The following SH3GL1 variants were observed in gnomAD, a reference collection of about 807,000 sequenced individuals.
SH3GL1 encodes the protein endophilin-A2.
Under a neutral mutation model 48.8 loss-of-function variants are expected in SH3GL1, and 21 were observed. The ratio of observed to expected loss-of-function variants is 0.43; its 90% confidence interval spans 0.30 to 0.62. The LOEUF (loss-of-function observed/expected upper bound fraction) is 0.62. Ranked by LOEUF, SH3GL1 falls within the 20% of genes least tolerant of loss-of-function variation. SH3GL1 has a pLI of 0.11. For synonymous variants in SH3GL1, 282 were observed against 217.5 expected, an observed-to-expected ratio of 1.30 and a Z score of -2.61; for missense variants, 454 against 503.0, an observed-to-expected ratio of 0.90 and a Z score of 0.93.
chr19:4,363,456 C>A lies in SH3GL1; in HGVS notation c.642G>T (p.Gln214His), dbSNP rs1164476544. Residue 214 changes from glutamine (Q) to histidine (H), a missense_variant, in exon 7 of 10, where the codon CAG (glutamine) becomes CAT (histidine). By Grantham distance (24) the Gln-to-His change is conservative (BLOSUM62 0). This residue lies in a region of SH3GL1 where 278 missense variants were observed against 246.8 expected (regional missense o/e 1.13). Transcript: ENST00000269886. ...GCTGTGCATCCACCAGGGCCGAGAGCTGACTCACCTGCTCGATCTGTGGGG... is the reference window on the plus strand; with the variant it reads ...GCTGTGCATCCACCAGGGCCGAGAGATGACTCACCTGCTCGATCTGTGGGG... ...LLETDIEQVSQLSALVDAQLD... is the reference protein window; with the variant it reads ...LLETDIEQVSHLSALVDAQLD... 1.2e-6 allele frequency: 2 copies of A among 1,612,616 alleles called. No homozygotes were observed. The highest frequency in any genetic ancestry group is 2.2e-5 in the South Asian group (2 of 90,918).
At chr19:4,384,451 T>C (rs1208623964) in intron 1 of SH3GL1, among the ~76,000 whole-genome samples, 5 of 152,232 alleles carry the variant, frequency 3.3e-5, no homozygotes, top group Non-Finnish European at 4.4e-5. Context: ...AGGTTGTTTT[T>C]TTCCAGGCTA....
At chr19:4,395,419 T>C (rs1325070267) in intron 1 of SH3GL1, 1 of 152,250 alleles carries the variant, frequency 6.6e-6, no homozygotes, top group African/African-American at 2.4e-5. Flanking sequence ...GAGTCATGTA[T>C]GTTCTGTGTT....
intron 4 of SH3GL1, among the ~76,000 whole-genome samples, chr19:4,364,898 G>GTGTATA (rs1157007038): frequency 3.1e-5 from 3 of 96,014 alleles, no homozygotes; most frequent in African/African-American, 1.1e-4. Flanking sequence ...GTGTGTGTGT[G>GTGTATA]TATATATATA....
At chr19:4,379,264 G>C (rs1275672877) in intron 1 of SH3GL1, among the ~76,000 whole-genome samples, 1 of 151,628 alleles carries the variant, frequency 6.6e-6, no homozygotes, top group Non-Finnish European at 1.5e-5. Flanking sequence ...GACCAGCCTG[G>C]CCAACATGGT....
Position 4,363,483 on chromosome 19 carries a change from C to G in SH3GL1, c.625-10G>C. 1 of 1,607,262 alleles carries G rather than the reference C, an allele frequency of 6.2e-7. No individual in the cohort carries two copies. The highest frequency in any genetic ancestry group is 8.5e-7 in the Non-Finnish European group (1 of 1,176,104). ...GACTCACCTGCTCGATCTGTGGGGA[C>G]AGTAGGGCTCAGGGGCTCCTGCCAG... On this transcript the variant is annotated splice_polypyrimidine_tract_variant and intron_variant, in intron 6 of 9. Transcript: ENST00000269886.
Position 4,360,630 on chromosome 19 carries a change from G to A in SH3GL1, c.*970C>T, listed in dbSNP as rs11322. 0.022 allele frequency: 5,043 copies of A among 233,230 alleles called. 94 individuals are homozygous for A. The highest frequency in any genetic ancestry group is 0.028 in the Non-Finnish European group (3,275 of 118,072). The allele number at this position is 233,230 out of a possible 1,614,324, so 14.4% of individuals were successfully genotyped here. The stretch of plus-strand genomic sequence containing the variant: ...TTGGGCGATAGAGGAAGCAGATGTC[G>A]GGGCTGCCTGCCTTGGTCTAGAGGA... On this transcript the variant is annotated 3_prime_UTR_variant, in exon 10 of 10. Coordinates refer to ENST00000269886, the MANE Select transcript of SH3GL1 (RefSeq NM_003025.4).
chr19:4,394,765 C>T (rs1419445835), intron 1 of SH3GL1, among the ~76,000 whole-genome samples: 3 of 152,204 alleles, frequency 2.0e-5, no homozygotes, highest in African/African-American at 4.8e-5. Flanking sequence ...CGTAAGAACC[C>T]TTGGAAGTCT....
intron 7 of SH3GL1, 34 bp from the exon 8 acceptor site, chr19:4,362,770 G>C (rs371858749): frequency 1.9e-6 from 3 of 1,612,778 alleles, no homozygotes; most frequent in African/African-American, 1.3e-5. Flanking sequence ...GACCGAGCCC[G>C]TGTCACGGCC....
intron 1 of SH3GL1, among the ~76,000 whole-genome samples, chr19:4,386,856 C>T (rs1348157227): frequency 6.6e-6 from 1 of 152,254 alleles, no homozygotes; most frequent in Non-Finnish European, 1.5e-5. Flanking sequence ...GCATTTCCCA[C>T]AGCGTGGCAG....
intron 1 of SH3GL1, among the ~76,000 whole-genome samples, chr19:4,396,287 T>C (rs1364955851): frequency 7.2e-5 from 11 of 151,928 alleles, no homozygotes; most frequent in Non-Finnish European, 1.0e-4. Flanking sequence ...TAATCGCAGC[T>C]ACTCGGGAGG....
chr19:4,384,750 G>A (rs991059600), intron 1 of SH3GL1, among the ~76,000 whole-genome samples: 7 of 152,338 alleles, frequency 4.6e-5, no homozygotes, highest in Non-Finnish European at 7.3e-5. Context: ...CCACGCAGCT[G>A]CGGATGCGAG....
chr19:4,399,444 G>A (rs923932990), intron 1 of SH3GL1, among the ~76,000 whole-genome samples: 5 of 151,988 alleles, frequency 3.3e-5, no homozygotes, highest in African/African-American at 1.2e-4. Flanking sequence ...AGGCAAGGAG[G>A]GAGGGAGGAA....
intron 3 of SH3GL1, 67 bp from the exon 4 acceptor site, chr19:4,365,692 GC>G: frequency 6.3e-7 from 1 of 1,598,618 alleles, no homozygotes; most frequent in Non-Finnish European, 8.5e-7. Context: ...GCAGACTGCA[GC>G]CCCCACATCT....
intron 9 of SH3GL1, 143 bp downstream of exon 9, chr19:4,362,185 CT>C (rs1003345437): frequency 1.2e-6 from 1 of 854,042 alleles, no homozygotes; most frequent in African/African-American, 1.7e-5. Context: ...ATCTTGCAGG[CT>C]GTGGGGCCTG....
chr19:4,361,468 A>G lies in SH3GL1; in HGVS notation c.*132T>C. On this transcript the variant is annotated 3_prime_UTR_variant, in exon 10 of 10. Coordinates refer to ENST00000269886, the MANE Select transcript of SH3GL1 (RefSeq NM_003025.4). ...TGGGGTCCTGCTCAGGGAGTACCTC[A>G]AGGGCCGGGGCCCAGGTGGCGCCGG... 1 of 675,300 alleles carries G rather than the reference A, an allele frequency of 1.5e-6. No homozygotes were observed. The highest frequency in any genetic ancestry group is 2.5e-6 in the Non-Finnish European group (1 of 396,534). 41.8% of individuals were successfully genotyped at this position (675,300 alleles called of 1,614,324 possible).
Position 4,400,242 on chromosome 19 carries a change from C to T in SH3GL1, c.45+82G>A, listed in dbSNP as rs1426833987. 1.4e-6 allele frequency: 2 copies of T among 1,473,346 alleles called. No individual in the cohort carries two copies. Among genetic ancestry groups the T allele is most frequent in the Non-Finnish European group, 9.2e-7 (1 of 1,090,460 alleles). The allele number at this position is 1,473,346 out of a possible 1,614,324, so 91.3% of individuals were successfully genotyped here. On this transcript the variant is annotated intron_variant, in intron 1 of 9. Transcript: ENST00000269886. This position sits in a 1 kb window ranked among gnomAD's most constrained non-coding sequence, Gnocchi z 4.1. ...TCCCCACCTCGGTCCCCCCGGCCCCCTCCCGGGCCAGGTCGGGCCTGGCTC... is the reference window on the plus strand; with the variant it reads ...TCCCCACCTCGGTCCCCCCGGCCCCTTCCCGGGCCAGGTCGGGCCTGGCTC...
chr19:4,381,818 G>A (rs1407009637), intron 1 of SH3GL1, among the ~76,000 whole-genome samples: 5 of 147,926 alleles, frequency 3.4e-5, no homozygotes, highest in East Asian at 2.0e-4. Context: ...TCAGCCTCCC[G>A]AGTAGCTGGG....
rs1207701062 is a variant in SH3GL1, at chr19:4,400,484, T to C, written c.-116A>G. On this transcript the variant is annotated 5_prime_UTR_variant, in exon 1 of 10. Coordinates refer to ENST00000269886, the MANE Select transcript of SH3GL1 (RefSeq NM_003025.4). This position sits in a 1 kb window ranked among gnomAD's most constrained non-coding sequence, Gnocchi z 4.1. ...GTCGGCGCCGCCTCCGCCACCCGCT[T>C]GCCAGCTCCGCGCCCGCCCCGGCGC... 1.1e-6 allele frequency: 1 copy of C among 937,458 alleles called. No individual in the cohort carries two copies. The highest frequency in any genetic ancestry group is 1.8e-5 in the African/African-American group (1 of 56,676). The allele number at this position is 937,458 out of a possible 1,614,324, so 58.1% of individuals were successfully genotyped here.
chr19:4,381,532 T>G (rs1355020673), intron 1 of SH3GL1, among the ~76,000 whole-genome samples: 1 of 50,084 alleles, frequency 2.0e-5, no homozygotes. Flanking sequence ...GTCCCCCTGC[T>G]TCTCTGTCTC....
Sources: allele counts gnomAD v4.1 joint callset (sites outside exome capture counted in the v4.1 genomes callset), GRCh38; gene constraint gnomAD v4.1.1; regional missense constraint gnomAD v4.1.1; non-coding constraint Gnocchi (gnomAD v3.1); transcripts MANE v1.5; gene names NCBI Gene and HGNC (gene_info 2026-07-23, HGNC 2026-07-21).